Variants in RIC1 observed in about 807,000 individuals in gnomAD.
The protein encoded by RIC1 is guanine nucleotide exchange factor subunit RIC1.
Under a neutral mutation model 169.0 loss-of-function variants are expected in RIC1, and 88 were observed. That is an observed-to-expected ratio of 0.52 (90% CI 0.44 to 0.62). The LOEUF (loss-of-function observed/expected upper bound fraction) is 0.62. Ranked by LOEUF, RIC1 falls within the 20% of genes least tolerant of loss-of-function variation. RIC1 has a pLI of 0.00. For synonymous variants in RIC1, 790 were observed against 601.5 expected (o/e 1.31, Z -4.59); for missense variants, 1,877 against 1,725.5 (o/e 1.09, Z -1.56).
intron 2 of RIC1, among the ~76,000 whole-genome samples, chr9:5,665,655 T>G (rs1483417058): frequency 6.6e-6 from 1 of 152,194 alleles, no homozygotes; most frequent in Non-Finnish European, 1.5e-5. Flanking sequence ...ATTGTTGTTT[T>G]CTGTTTGTTT....
chr9:5,752,674 G>C (rs879776568), intron 12 of RIC1, among the ~76,000 whole-genome samples: 5 of 152,144 alleles, frequency 3.3e-5, no homozygotes, highest in Admixed American at 3.3e-4. Context: ...GACCTCAGGT[G>C]ATCCACCTGC....
rs781386189 is a variant in RIC1, at chr9:5,756,386, A to G, written c.1853+14A>G. The G allele has an allele frequency of 3.6e-6, 5 of 1,403,914 alleles. No individual in the cohort carries two copies. Among genetic ancestry groups the G allele is most frequent in the Non-Finnish European group, 3.8e-6 (4 of 1,063,528 alleles). 87.0% of individuals were successfully genotyped at this position (1,403,914 alleles called of 1,614,324 possible). ...AAAATCTGATGGGTAAGTATCTGGC[A>G]TATGAGAAGTCACTTTTTGCTCCTA... On this transcript the variant is annotated intron_variant, in intron 16 of 25. Coordinates refer to ENST00000414202, the MANE Select transcript of RIC1 (RefSeq NM_020829.4).
chr9:5,669,397 T>C (rs778354372), intron 2 of RIC1, among the ~76,000 whole-genome samples: 3 of 152,236 alleles, frequency 2.0e-5, no homozygotes, highest in Non-Finnish European at 2.9e-5. Flanking sequence ...GGTTTTCCAT[T>C]CCTGAATTAC....
At chr9:5,712,097 G>A (rs1006616426) in intron 3 of RIC1, among the ~76,000 whole-genome samples, 2 of 152,120 alleles carry the variant, frequency 1.3e-5, no homozygotes, top group African/African-American at 4.8e-5. Flanking sequence ...ACCTAGTAAT[G>A]GGATTGCTGG....
Position 5,757,372 on chromosome 9 carries a change from C to T in RIC1, c.1913C>T (p.Pro638Leu), listed in dbSNP as rs1235587219. The change falls in exon 17 of 26, where the codon CCT becomes CTT. Residue 638 changes from proline to leucine, a missense_variant. By Grantham distance (98) the Pro-to-Leu change is moderately conservative. This residue lies in a region of RIC1 where 1,104 missense variants were observed against 992.0 expected (regional missense o/e 1.11). Coordinates refer to ENST00000414202, the MANE Select transcript of RIC1 (RefSeq NM_020829.4). ...GAGGTTTCCATGTCACGCTACATTC[C>T]TCACCCTTTCCTGGTGGTATCTGTC... ...LQEVSMSRYI[P>L]HPFLVVSVTL... 6.2e-7 allele frequency: 1 copy of T among 1,613,882 alleles called. No homozygotes were observed. Among genetic ancestry groups the T allele is most frequent in the Non-Finnish European group, 8.5e-7 (1 of 1,179,918 alleles).
intron 2 of RIC1, among the ~76,000 whole-genome samples, chr9:5,665,308 T>G (rs564163682): frequency 6.6e-6 from 1 of 152,352 alleles, no homozygotes; most frequent in Admixed American, 6.5e-5. Flanking sequence ...AGTCTAAGTC[T>G]CTTTGAAGGT....
In RIC1 at chr9:5,629,363, G is replaced by A; in HGVS notation, c.54G>A (p.Pro18=). The change falls in exon 1 of 26, where the codon CCG becomes CCA. Residue 18 remains proline, a synonymous_variant. Coordinates refer to ENST00000414202, the MANE Select transcript of RIC1 (RefSeq NM_020829.4). Reference sequence around the variant, plus strand: ...GGCTGCTGTGCCCTCTGGGGAGCCCGGCCGAGGCGCCTTTCCACGTTCAGT... The same window carrying A: ...GGCTGCTGTGCCCTCTGGGGAGCCCAGCCGAGGCGCCTTTCCACGTTCAGT... ...PKRLLCPLGS[P]AEAPFHVQSD... 6.5e-7 allele frequency: 1 copy of A among 1,534,274 alleles called. No homozygotes were observed. The highest frequency in any genetic ancestry group is 8.7e-7 in the Non-Finnish European group (1 of 1,146,198).
In RIC1 at chr9:5,742,731, C is replaced by T. The variant is rs1825151332; in HGVS notation, c.902-138C>T. ...CTAACTTTAAGTAGTCCTAAATGAC[C>T]AGGATTTATTTTTGGAAGCAGTCAT... On this transcript the variant is annotated intron_variant, in intron 8 of 25. Coordinates refer to ENST00000414202, the MANE Select transcript of RIC1 (RefSeq NM_020829.4). 1.8e-5 allele frequency: 14 copies of T among 757,462 alleles called. No homozygotes were observed. In the South Asian group the frequency reaches 2.4e-4, roughly 13 times the overall value. The allele number at this position is 757,462 out of a possible 1,614,324, so 46.9% of individuals were successfully genotyped here.
At chr9:5,644,151 A>C (rs923405042) in intron 1 of RIC1, among the ~76,000 whole-genome samples, 1 of 152,224 alleles carries the variant, frequency 6.6e-6, no homozygotes, top group African/African-American at 2.4e-5. Flanking sequence ...AGTGTTGTGC[A>C]TCCATAATCA....
intron 6 of RIC1, among the ~76,000 whole-genome samples, chr9:5,728,128 C>T (rs148960286): frequency 1.4e-3 from 212 of 152,376 alleles, no homozygotes; most frequent in African/African-American, 4.9e-3. Flanking sequence ...TTCAGCTATA[C>T]CCTGCCCCCA....
intron 2 of RIC1, among the ~76,000 whole-genome samples, chr9:5,669,598 T>G (rs970561322): frequency 3.9e-5 from 6 of 152,046 alleles, no homozygotes; most frequent in African/African-American, 1.5e-4. Flanking sequence ...GTCTTGAGGG[T>G]AAAATTGGTG....
intron 3 of RIC1, among the ~76,000 whole-genome samples, chr9:5,693,172 A>G (rs1331428006): frequency 6.6e-6 from 1 of 152,130 alleles, no homozygotes; most frequent in Non-Finnish European, 1.5e-5. Context: ...TACTGAGGCC[A>G]GTGGTTAATC....
At chr9:5,649,597 C>T (rs886879620) in intron 1 of RIC1, among the ~76,000 whole-genome samples, 10 of 151,688 alleles carry the variant, frequency 6.6e-5, no homozygotes, top group Admixed American at 3.3e-4. Context: ...TTTCTGATTT[C>T]TTTGTATTTT....
At chr9:5,654,116 A>G (rs1371612440) in intron 1 of RIC1, among the ~76,000 whole-genome samples, 1 of 151,804 alleles carries the variant, frequency 6.6e-6, no homozygotes, top group African/African-American at 2.4e-5. Context: ...CTCCCACTTC[A>G]GCCTCCTGAG....
intron 19 of RIC1, 110 bp from the exon 20 acceptor site, chr9:5,765,304 T>C (rs1270403908): frequency 5.3e-6 from 6 of 1,137,488 alleles, no homozygotes; most frequent in Non-Finnish European, 7.6e-6. Flanking sequence ...AACTAACCCC[T>C]GTGGTGGTGT....
intron 12 of RIC1, among the ~76,000 whole-genome samples, chr9:5,752,904 T>TGTGA (rs1825807689): frequency 2.6e-5 from 4 of 152,218 alleles, no homozygotes; most frequent in Admixed American, 1.3e-4. Flanking sequence ...CCCTCACAGG[T>TGTGA]GCCTTCTCTG....
Position 5,753,527 on chromosome 9 carries a change from T to C in RIC1, c.1492-9T>C. 6.4e-7 allele frequency: 1 copy of C among 1,557,482 alleles called. No homozygotes were observed. Among genetic ancestry groups the C allele is most frequent in the Admixed American group, 1.9e-5 (1 of 51,878 alleles). On this transcript the variant is annotated splice_polypyrimidine_tract_variant and intron_variant, in intron 13 of 25. Coordinates refer to ENST00000414202, the MANE Select transcript of RIC1 (RefSeq NM_020829.4). ...GCAAGGAAAAGTTCTTATTTTTTTT[T>C]TTAAACAGTTTTCAGCTATTGATAA...
chr9:5,634,209 T>C (rs12555933), intron 1 of RIC1, among the ~76,000 whole-genome samples: 1 of 152,364 alleles, frequency 6.6e-6, no homozygotes, highest in Admixed American at 6.5e-5. Context: ...AGTGCAGATA[T>C]CTCTTTGAGA....
intron 2 of RIC1, among the ~76,000 whole-genome samples, chr9:5,664,956 A>G (rs1819663589): frequency 6.6e-6 from 1 of 152,192 alleles, no homozygotes; most frequent in Admixed American, 6.6e-5. Context: ...TCTGAGCTCT[A>G]ACAGGTCGGT....
Sources: allele counts gnomAD v4.1 joint callset (sites outside exome capture counted in the v4.1 genomes callset), GRCh38; gene constraint gnomAD v4.1.1; regional missense constraint gnomAD v4.1.1; transcripts MANE v1.5; gene names NCBI Gene and HGNC (gene_info 2026-07-23, HGNC 2026-07-21).